NDST3: variants seen among roughly 807,000 people sequenced by gnomAD.
The protein encoded by NDST3 is N-deacetylase and N-sulfotransferase 3, also known as bifunctional heparan sulfate N-deacetylase/N-sulfotransferase 3.
Under a neutral mutation model 96.1 loss-of-function variants are expected in NDST3, and 58 were observed. The observed-to-expected ratio is 0.60, with a 90% CI of 0.49 to 0.75. NDST3 has a LOEUF of 0.75. Ranked by LOEUF, NDST3 falls within the 30% of genes least tolerant of loss-of-function variation. The pLI is 0.00. For synonymous variants in NDST3, 333 were observed against 359.7 expected (o/e 0.93, Z 0.84); for missense variants, 788 against 1,034.2 (o/e 0.76, Z 3.27).
intron 2 of NDST3, among the ~76,000 whole-genome samples, chr4:118,067,880 C>A (rs575696567): frequency 2.6e-4 from 39 of 151,668 alleles, no homozygotes; most frequent in Non-Finnish European, 4.4e-5. Context: ...ATATAACAAA[C>A]CTGCACGTTC....
intron 6 of NDST3, among the ~76,000 whole-genome samples, chr4:118,167,948 G>A (rs1019284291): frequency 2.6e-5 from 4 of 151,898 alleles, no homozygotes; most frequent in Admixed American, 2.0e-4. Context: ...ACCTGACACT[G>A]TAAAATATTC....
intron 6 of NDST3, among the ~76,000 whole-genome samples, chr4:118,183,191 T>A (rs1185505515): frequency 6.6e-6 from 1 of 152,142 alleles, no homozygotes; most frequent in Non-Finnish European, 1.5e-5. Context: ...GAAAACAATG[T>A]TTACCATTTC....
At chr4:118,228,544 T>A (rs1034833881) in intron 8 of NDST3, among the ~76,000 whole-genome samples, 1 of 152,256 alleles carries the variant, frequency 6.6e-6, no homozygotes, top group Non-Finnish European at 1.5e-5. Flanking sequence ...AGACCTTTTA[T>A]AGAAATTGAT....
chr4:118,100,793 T>G (rs961308433), intron 2 of NDST3, among the ~76,000 whole-genome samples: 1 of 152,178 alleles, frequency 6.6e-6, no homozygotes, highest in Non-Finnish European at 1.5e-5. Context: ...ACTTAAACTA[T>G]GTAAATCATG....
intron 2 of NDST3, among the ~76,000 whole-genome samples, chr4:118,058,772 A>C (rs1195282153): frequency 6.6e-6 from 1 of 151,962 alleles, no homozygotes; most frequent in East Asian, 1.9e-4. Flanking sequence ...GGAGAGAGAA[A>C]GTGATGTTTC....
rs1202266698 is a variant in NDST3, at chr4:118,142,634, T to A, written c.1411-922T>A. Among the ~76,000 whole-genome samples the A allele has an allele frequency of 5.3e-5, 8 of 152,252 alleles. No homozygotes were observed. In the East Asian group the frequency reaches 1.5e-3, roughly 29 times the overall value. ...AATAAGCAGAAGACCTGTCCCTATA[T>A]GATTTTGTAACATTTGTAGCTCTCT... On this transcript the variant is annotated intron_variant, in intron 5 of 13. Coordinates refer to ENST00000296499, the MANE Select transcript of NDST3 (RefSeq NM_004784.3).
At chr4:118,045,979 C>T (rs1724739529) in intron 1 of NDST3, among the ~76,000 whole-genome samples, 1 of 151,458 alleles carries the variant, frequency 6.6e-6, no homozygotes, top group East Asian at 1.9e-4. Context: ...GCAAGATGGC[C>T]AACTAGATGC....
At chr4:118,138,362 C>A in intron 5 of NDST3, 123 bp downstream of exon 5, 1 of 720,298 alleles carries the variant, frequency 1.4e-6, no homozygotes, top group Non-Finnish European at 2.1e-6. Flanking sequence ...CTGCAGGAAG[C>A]ATATTTGTCA....
At chr4:118,244,816 A>G (rs1741213393) in intron 12 of NDST3, among the ~76,000 whole-genome samples, 1 of 152,198 alleles carries the variant, frequency 6.6e-6, no homozygotes, top group East Asian at 1.9e-4. Context: ...AAAGATATAC[A>G]AAGTCACTGA....
chr4:118,097,352 T>G (rs1195556643), intron 2 of NDST3, among the ~76,000 whole-genome samples: 2 of 152,016 alleles, frequency 1.3e-5, no homozygotes, highest in Non-Finnish European at 2.9e-5. Context: ...AGCTGAATTA[T>G]TTCCTTACTG....
At chr4:118,197,732 A>G in intron 6 of NDST3, among the ~76,000 whole-genome samples, 1 of 148,600 alleles carries the variant, frequency 6.7e-6, no homozygotes, top group Non-Finnish European at 1.5e-5. Flanking sequence ...GCAACAGATC[A>G]TTGGGTCTCA....
At chr4:118,093,316 T>C (rs1729032730) in intron 2 of NDST3, among the ~76,000 whole-genome samples, 1 of 151,906 alleles carries the variant, frequency 6.6e-6, no homozygotes, top group Non-Finnish European at 1.5e-5. Flanking sequence ...CACTGGATCA[T>C]GGGTCTAATT....
chr4:118,196,645 C>A (rs982296948), intron 6 of NDST3, among the ~76,000 whole-genome samples: 1 of 152,036 alleles, frequency 6.6e-6, no homozygotes, highest in South Asian at 2.1e-4. Context: ...CAGTTGCTCA[C>A]AGTAGCCAGA....
chr4:118,068,166 C>CTTTTTTTTTTTTT (rs34891564), intron 2 of NDST3, among the ~76,000 whole-genome samples: 1 of 84,310 alleles, frequency 1.2e-5, no homozygotes, highest in Non-Finnish European at 2.2e-5. Flanking sequence ...TACTTGATCT[C>CTTTTTTTTTTTTT]TTTTTTTTTT....
intron 1 of NDST3, among the ~76,000 whole-genome samples, chr4:118,037,088 C>T (rs1724193796): frequency 6.6e-6 from 1 of 152,178 alleles, no homozygotes; most frequent in Admixed American, 6.5e-5. Flanking sequence ...AGCTCCCTTG[C>T]TGGCTCTGGG....
intron 10 of NDST3, among the ~76,000 whole-genome samples, chr4:118,239,227 C>CA (rs1292010363): frequency 1.3e-5 from 2 of 152,166 alleles, no homozygotes; most frequent in African/African-American, 4.8e-5. Flanking sequence ...TAAAGTTGCT[C>CA]ATTACTGAGT....
At chr4:118,184,109 T>C (rs1320896141) in intron 6 of NDST3, among the ~76,000 whole-genome samples, 1 of 152,196 alleles carries the variant, frequency 6.6e-6, no homozygotes, top group African/African-American at 2.4e-5. Flanking sequence ...AAACTAGATG[T>C]AAGGAGAATG....
chr4:118,047,931 T>G (rs575984536), intron 1 of NDST3, among the ~76,000 whole-genome samples: 1 of 152,238 alleles, frequency 6.6e-6, no homozygotes, highest in Non-Finnish European at 1.5e-5. Context: ...AGTCATCAGA[T>G]TCACCAAGGT....
intron 12 of NDST3, among the ~76,000 whole-genome samples, chr4:118,244,094 T>C (rs1235053710): frequency 6.6e-6 from 1 of 152,198 alleles, no homozygotes; most frequent in African/African-American, 2.4e-5. Context: ...CAGGTGGAGA[T>C]ACTGTGTTTC....
Sources: allele counts gnomAD v4.1 joint callset (sites outside exome capture counted in the v4.1 genomes callset), GRCh38; gene constraint gnomAD v4.1.1; transcripts MANE v1.5; gene names NCBI Gene and HGNC (gene_info 2026-07-23, HGNC 2026-07-21).